The following NENF variants were observed in gnomAD, a reference collection of about 807,000 sequenced individuals.
NENF encodes neudesin neurotrophic factor.
In NENF, 6 loss-of-function variants were observed where a neutral mutation model predicts 14.8. The ratio of observed to expected loss-of-function variants is 0.40; its 90% CI spans 0.22 to 0.80. The LOEUF (loss-of-function observed/expected upper bound fraction) is 0.80, where lower values mean the gene tolerates loss of function less well. Ranked by LOEUF, NENF falls within the 30% of genes least tolerant of loss-of-function variation. The pLI is 0.34. For missense variants in NENF, 184 were observed against 212.7 expected (o/e 0.87, Z 0.84); for synonymous variants, 76 against 95.1 (o/e 0.80, Z 1.17).
rs140306223 is a variant in NENF at position 212,445,833 on chromosome 1, G to A, written c.346G>A (p.Gly116Ser). 7.4e-6 allele frequency: 12 copies of A among 1,614,008 alleles called. No homozygotes were observed. The African/African-American group carries it at 1.6e-4, about 22-fold the overall frequency. Reference protein sequence around the residue: ...DPADLTHDTTGLTAKELEALD... With the variant: ...DPADLTHDTTSLTAKELEALD... ...TTCTTGGGCTTTTCTCCCCAAGACG[G>A]GTCTCACGGCCAAGGAACTGGAGGC... Residue 116 changes from glycine (G) to serine (S), a missense_variant, in exon 4 of 4, where the codon GGT becomes AGT. Physicochemically the swap from Gly to Ser is moderately conservative, Grantham distance 56. Coordinates refer to ENST00000366988, the MANE Select transcript of NENF (RefSeq NM_013349.5).
rs1221011003 is a variant in NENF, at chr1:212,440,244, T to G, written c.178-2321T>G. On this transcript the variant is annotated intron_variant, in intron 1 of 3. Coordinates refer to ENST00000366988, the MANE Select transcript of NENF (RefSeq NM_013349.5). ...TCCAGTCTGGGTGACAGAGTAAGAC[T>G]CTGTCTCAAAAAAAAAAAAAAAGGA... 4.8e-5 allele frequency among the ~76,000 whole-genome samples: 4 copies of G among 83,622 alleles called. No homozygotes were observed. The East Asian group carries it at 3.6e-3, about 76-fold the overall frequency. 54.9% of individuals were successfully genotyped at this position (83,622 alleles called of 152,430 possible).
intron 3 of NENF, 75 bp downstream of exon 3, chr1:212,444,517 TC>T (rs1662747182): frequency 1.2e-6 from 1 of 842,260 alleles, no homozygotes; most frequent in African/African-American, 2.1e-5. Context: ...CTTTTTCTTT[TC>T]GTGTGTGTGT....
chr1:212,438,117 TTATA>T (rs1662637715), intron 1 of NENF, among the ~76,000 whole-genome samples: 1 of 152,190 alleles, frequency 6.6e-6, no homozygotes, highest in Admixed American at 6.5e-5. Context: ...AGATAACAGG[TTATA>T]AAGTGAGTGT....
At position 212,444,299 on chromosome 1, in the gene NENF, TA is replaced by T. The variant is rs769079375; in HGVS notation, c.239-37del. ...TGCAAGCTCCTGGTTACTCTGCATGTAAACCCACGCTTACGTCTCTTCCTTC... is the reference window on the plus strand; with the variant it reads ...TGCAAGCTCCTGGTTACTCTGCATGTAACCCACGCTTACGTCTCTTCCTTC... On this transcript the variant is annotated intron_variant, in intron 2 of 3. Transcript: ENST00000366988. The T allele has an allele frequency of 3.5e-6, 5 of 1,439,278 alleles. No homozygotes were observed. In the South Asian group the frequency reaches 5.2e-5, roughly 15 times the overall value. The allele number at this position is 1,439,278 out of a possible 1,614,324, so 89.2% of individuals were successfully genotyped here.
At chr1:212,437,363 C>T (rs1247062306) in intron 1 of NENF, among the ~76,000 whole-genome samples, 6 of 152,100 alleles carry the variant, frequency 3.9e-5, no homozygotes, top group African/African-American at 1.4e-4. Context: ...AGAGGTATTG[C>T]ATAATATATG....
At chr1:212,437,962 T>C (rs1662634824) in intron 1 of NENF, among the ~76,000 whole-genome samples, 1 of 152,118 alleles carries the variant, frequency 6.6e-6, no homozygotes, top group Non-Finnish European at 1.5e-5. Context: ...GAGACCAGCC[T>C]GGGCAACGTA....
At chr1:212,439,014 G>C (rs1003779598) in intron 1 of NENF, among the ~76,000 whole-genome samples, 1 of 151,798 alleles carries the variant, frequency 6.6e-6, no homozygotes, top group African/African-American at 2.4e-5. Flanking sequence ...GTGCCTGGGG[G>C]TTGTGCTATC....
In NENF at chr1:212,442,535, C is replaced by T. The variant is rs74140015; in HGVS notation, c.178-30C>T. On this transcript the variant is annotated intron_variant, in intron 1 of 3. Coordinates refer to ENST00000366988, the MANE Select transcript of NENF (RefSeq NM_013349.5). ...CACTGGAAGAGCTGGCTCTTCCCTT[C>T]CTCTTCACAGCTTCTCCCCTGCTTT... 7.3e-4 allele frequency: 1,160 copies of T among 1,588,424 alleles called. 9 individuals are homozygous for T. The African/African-American group carries it at 0.014, about 20-fold the overall frequency.
intron 1 of NENF, 102 bp from the exon 2 acceptor site, chr1:212,442,463 C>A (rs1662713138): frequency 2.2e-6 from 2 of 901,396 alleles, no homozygotes; most frequent in Non-Finnish European, 1.8e-6. Context: ...GGACTTGACC[C>A]ACTGCTCTTT....
chr1:212,440,350 A>G (rs1337975988), intron 1 of NENF, among the ~76,000 whole-genome samples: 2 of 152,142 alleles, frequency 1.3e-5, no homozygotes, highest in Non-Finnish European at 2.9e-5. Flanking sequence ...GCTGTAATAT[A>G]TTTTTAAAAT....
chr1:212,433,171 G>T lies in NENF; in HGVS notation c.177+51G>T, dbSNP rs1220495693. The T allele has an allele frequency of 9.1e-7, 1 of 1,103,922 alleles. No homozygotes were observed. The highest frequency in any genetic ancestry group is 1.7e-5 in the African/African-American group (1 of 60,512). 68.4% of individuals were successfully genotyped at this position (1,103,922 alleles called of 1,614,324 possible). A position where few individuals can be genotyped will look rare whatever the true frequency, so the allele number is the denominator to read the frequency against. Reference sequence around the variant, plus strand: ...GGACCCGGGGTGGCGTCCGATCTGCGGCGAGCCGAGCGGGGACCCAGGAGG... The same window carrying T: ...GGACCCGGGGTGGCGTCCGATCTGCTGCGAGCCGAGCGGGGACCCAGGAGG... On this transcript the variant is annotated intron_variant, in intron 1 of 3. Coordinates refer to ENST00000366988, the MANE Select transcript of NENF (RefSeq NM_013349.5). This position sits in a 1 kb window ranked among gnomAD's most constrained non-coding sequence, Gnocchi z 5.5.
intron 1 of NENF, among the ~76,000 whole-genome samples, chr1:212,437,813 T>G (rs1002067098): frequency 2.6e-5 from 4 of 152,138 alleles, no homozygotes; most frequent in Non-Finnish European, 5.9e-5. Flanking sequence ...CATTCACATA[T>G]GGGAATAGAA....
rs1662775496 is a variant in NENF, at chr1:212,446,064, G to A, written c.*58G>A. The A allele has an allele frequency of 5.1e-6, 8 of 1,577,898 alleles. No individual in the cohort carries two copies. In the South Asian group the frequency reaches 6.7e-5, roughly 13 times the overall value. ...GTGAGGCAGGAAGACACTAGGTGCT[G>A]AATCTCCTGCAAAACTGGCTGCCTG... On this transcript the variant is annotated 3_prime_UTR_variant, in exon 4 of 4. Transcript: ENST00000366988.
At chr1:212,438,372 A>G (rs1406843698) in intron 1 of NENF, among the ~76,000 whole-genome samples, 3 of 152,212 alleles carry the variant, frequency 2.0e-5, no homozygotes, top group African/African-American at 7.2e-5. Flanking sequence ...TGCCCTAGGA[A>G]GGGCAAAGGC....
chr1:212,444,246 G>T, intron 2 of NENF, 93 bp from the exon 3 acceptor site: 2 of 673,750 alleles, frequency 3.0e-6, no homozygotes, highest in Non-Finnish European at 4.7e-6. Flanking sequence ...TTTTAGGATT[G>T]GGTGCGGGCC....
At chr1:212,439,604 G>A (rs1384205411) in intron 1 of NENF, among the ~76,000 whole-genome samples, 3 of 148,906 alleles carry the variant, frequency 2.0e-5, no homozygotes, top group African/African-American at 7.5e-5. Context: ...AACACATTGA[G>A]AGGTCAAGGC....
intron 1 of NENF, among the ~76,000 whole-genome samples, chr1:212,435,420 TGCACTAGA>T (rs1265645931): frequency 1.3e-5 from 2 of 152,050 alleles, no homozygotes. Context: ...GCAGTCATGG[TGCACTAGA>T]GCCTGGCAAT....
intron 1 of NENF, among the ~76,000 whole-genome samples, chr1:212,435,611 G>T (rs562088267): frequency 1.1e-4 from 17 of 150,276 alleles, no homozygotes; most frequent in African/African-American, 3.9e-4. Flanking sequence ...GCAGTGGCAG[G>T]AACACAGCTC....
chr1:212,436,924 CAAA>C (rs35648109), intron 1 of NENF, among the ~76,000 whole-genome samples: 10 of 81,842 alleles, frequency 1.2e-4, no homozygotes, highest in African/African-American at 1.3e-4. Context: ...TCACCTCTAC[CAAA>C]AAAAAAAAAA....
Sources: allele counts gnomAD v4.1 joint callset (sites outside exome capture counted in the v4.1 genomes callset), GRCh38; gene constraint gnomAD v4.1.1; non-coding constraint Gnocchi (gnomAD v3.1); transcripts MANE v1.5; gene names NCBI Gene and HGNC (gene_info 2026-07-23, HGNC 2026-07-21).